Variants in AKAP13 observed in about 807,000 individuals in gnomAD.
The protein encoded by AKAP13 is A-kinase anchor protein 13.
A neutral mutation model predicts 264.5 loss-of-function variants in AKAP13; 80 were observed. That is an observed-to-expected ratio of 0.30 (90% CI 0.25 to 0.36). The LOEUF (loss-of-function observed/expected upper bound fraction) is 0.36, where lower values mean the gene tolerates loss of function less well. Ranked by LOEUF, AKAP13 falls within the 10% of genes least tolerant of loss-of-function variation. The pLI, the probability that AKAP13 is intolerant of heterozygous loss-of-function variation, is 1.00. For missense variants in AKAP13, 3,712 were observed against 3,435.2 expected, an observed-to-expected ratio of 1.08 and a Z score of -2.01; for synonymous variants, 1,380 against 1,250.2, an observed-to-expected ratio of 1.10 and a Z score of -2.19.
chr15:85,600,429 A>G (rs1463758447), intron 8 of AKAP13, among the ~76,000 whole-genome samples: 7 of 152,188 alleles, frequency 4.6e-5, no homozygotes, highest in Non-Finnish European at 1.0e-4. Flanking sequence ...AAATCTAAAT[A>G]AATTAAAAGT....
chr15:85,735,475 T>C, intron 31 of AKAP13, 85 bp from the exon 32 acceptor site: 1 of 1,396,680 alleles, frequency 7.2e-7, no homozygotes, highest in South Asian at 1.3e-5. Context: ...ACATACTACA[T>C]CCCCAAGATG....
At chr15:85,612,939 A>G (rs2080726091) in intron 8 of AKAP13, among the ~76,000 whole-genome samples, 1 of 152,222 alleles carries the variant, frequency 6.6e-6, no homozygotes, top group Non-Finnish European at 1.5e-5. Context: ...AAAAATTTGC[A>G]CTTACGGGCT....
At chr15:85,703,712 A>G (rs1355924463) in intron 17 of AKAP13, among the ~76,000 whole-genome samples, 1 of 152,038 alleles carries the variant, frequency 6.6e-6, no homozygotes, top group African/African-American at 2.4e-5. Context: ...GCGTAGTGGC[A>G]TGGACCGGTA....
Position 85,655,565 on chromosome 15 carries a change from T to G in AKAP13, c.4523T>G (p.Leu1508Arg). The change falls in exon 11 of 37, where the codon CTT (leucine) becomes CGT (arginine). Residue 1508 changes from leucine (L) to arginine (R), a missense_variant. Leu to Arg is a moderately radical substitution (Grantham distance 102). Transcript: ENST00000394518. ...AACAGGTCAAGAGATCGGCAAAGCC[T>G]TGATGGATTCTACAGCCATGGGATG... is the stretch of plus-strand genomic sequence containing the variant. ...KPNRSRDRQS[L>R]DGFYSHGMGA... 1.2e-6 allele frequency: 2 copies of G among 1,614,180 alleles called. No individual in the cohort carries two copies. The highest frequency in any genetic ancestry group is 1.7e-6 in the Non-Finnish European group (2 of 1,180,022).
chr15:85,643,082 A>G (rs911733759), intron 9 of AKAP13, among the ~76,000 whole-genome samples: 3 of 151,516 alleles, frequency 2.0e-5, no homozygotes, highest in Non-Finnish European at 4.4e-5. Context: ...GGCTGTTCCC[A>G]TTGAACTAAC....
intron 2 of AKAP13, among the ~76,000 whole-genome samples, chr15:85,515,870 GT>G (rs2076582156): frequency 2.1e-5 from 2 of 95,260 alleles, no homozygotes; most frequent in African/African-American, 1.0e-4. Flanking sequence ...TGATTCAGGT[GT>G]TATCTGCCAA....
chr15:85,658,759 A>G (rs756332500), intron 12 of AKAP13, among the ~76,000 whole-genome samples, 169 bp downstream of exon 12: 2 of 152,204 alleles, frequency 1.3e-5, no homozygotes, highest in African/African-American at 2.4e-5. Context: ...TCCATTTTAT[A>G]TGAAATGGTT....
At chr15:85,419,088 G>C (rs1250362409) in intron 1 of AKAP13, among the ~76,000 whole-genome samples, 1 of 152,174 alleles carries the variant, frequency 6.6e-6, no homozygotes, top group Non-Finnish European at 1.5e-5. Context: ...AGAAAAATTT[G>C]GTGGTGATGG....
intron 3 of AKAP13, among the ~76,000 whole-genome samples, chr15:85,527,699 T>C (rs1447279681): frequency 2.0e-5 from 3 of 152,230 alleles, no homozygotes; most frequent in African/African-American, 7.2e-5. Context: ...TTTACACATA[T>C]ACCAAATTTG....
At chr15:85,469,925 C>T (rs1300957947) in intron 1 of AKAP13, among the ~76,000 whole-genome samples, 1 of 152,160 alleles carries the variant, frequency 6.6e-6, no homozygotes, top group Non-Finnish European at 1.5e-5. Context: ...TTTTTCTCAA[C>T]CTCTCGCTAC....
Position 85,601,312 on chromosome 15 carries a change from T to C in AKAP13, c.4161+15489T>C, listed in dbSNP as rs189919823. On this transcript the variant is annotated intron_variant, in intron 8 of 36. Coordinates refer to ENST00000394518, the MANE Select transcript of AKAP13 (RefSeq NM_007200.5). ...ACATAGGTCATCAAAAGTCTTTTCC[T>C]AAATAATTTTATTTGCCCTTCAGAA... Among the ~76,000 whole-genome samples, 540 of 152,328 alleles carry C rather than the reference T, an allele frequency of 3.5e-3. 1 individual carries two copies. The highest frequency in any genetic ancestry group is 6.3e-3 in the Non-Finnish European group (427 of 68,030).
chr15:85,540,640 T>C (rs2077553343), intron 4 of AKAP13, among the ~76,000 whole-genome samples: 2 of 152,198 alleles, frequency 1.3e-5, no homozygotes. Context: ...AGCTCTGCAG[T>C]TTAAACACAA....
chr15:85,471,976 A>G (rs569958049), intron 1 of AKAP13, among the ~76,000 whole-genome samples: 4 of 152,238 alleles, frequency 2.6e-5, no homozygotes, highest in South Asian at 4.1e-4. Flanking sequence ...TATATTTACC[A>G]TGTATCTCTC....
At chr15:85,674,191 TG>T (rs767690539) in intron 14 of AKAP13, among the ~76,000 whole-genome samples, 1 of 152,218 alleles carries the variant, frequency 6.6e-6, no homozygotes, top group Non-Finnish European at 1.5e-5. Flanking sequence ...TCATTTTGCA[TG>T]GTTTGTTACA....
intron 8 of AKAP13, among the ~76,000 whole-genome samples, chr15:85,618,116 G>A (rs536661426): frequency 5.9e-5 from 9 of 152,290 alleles, no homozygotes; most frequent in African/African-American, 9.6e-5. Context: ...TCAGAATAAA[G>A]CCTGTATGTA....
At position 85,391,486 on chromosome 15, in the gene AKAP13, C is replaced by CT. The variant is rs759926035; in HGVS notation, c.-12+10704dup. On this transcript the variant is annotated intron_variant, in intron 1 of 36. Transcript: ENST00000394518. The stretch of plus-strand genomic sequence containing the variant: ...ATATTTGTCTTTATTCTTTTCTTTT[C>CT]TTTTTTTTTTTTTTTTAAGACAGGG... Among the ~76,000 whole-genome samples, 393 of 135,738 alleles carry CT rather than the reference C, an allele frequency of 2.9e-3. 2 individuals carry two copies. Among genetic ancestry groups the CT allele is most frequent in the East Asian group, 0.016 (77 of 4,702 alleles). 89.0% of individuals were successfully genotyped at this position (135,738 alleles called of 152,430 possible).
Position 85,745,352 on chromosome 15 carries a change from G to A in AKAP13, c.*675G>A, listed in dbSNP as rs2089338541. On this transcript the variant is annotated 3_prime_UTR_variant, in exon 37 of 37. Coordinates refer to ENST00000394518, the MANE Select transcript of AKAP13 (RefSeq NM_007200.5). ...AACATTTGTGAAACCAGTGAGAGAA[G>A]GCTTGATGTGTATAAAAGACGTGAT... 6.6e-6 allele frequency: 1 copy of A among 151,928 alleles called. No individual in the cohort carries two copies. Among genetic ancestry groups the A allele is most frequent in the Non-Finnish European group, 1.5e-5 (1 of 68,014 alleles). The allele number at this position is 151,928 out of a possible 1,614,324, so 9.4% of individuals were successfully genotyped here. A position where few individuals can be genotyped will look rare whatever the true frequency, so the allele number is the denominator to read the frequency against.
chr15:85,411,283 A>C (rs140143511), intron 1 of AKAP13, among the ~76,000 whole-genome samples: 1 of 152,224 alleles, frequency 6.6e-6, no homozygotes, highest in Non-Finnish European at 1.5e-5. Flanking sequence ...TCTGTGATGA[A>C]GTAGTGAACA....
At chr15:85,672,979 T>A (rs1039962438) in intron 14 of AKAP13, among the ~76,000 whole-genome samples, 1 of 152,234 alleles carries the variant, frequency 6.6e-6, no homozygotes, top group African/African-American at 2.4e-5. Context: ...GAATGTTTTC[T>A]AAACTCATCC....
Sources: gnomAD v4.1 joint callset for allele counts (sites outside exome capture counted in the v4.1 genomes callset) on GRCh38, gnomAD v4.1.1 for gene constraint, MANE v1.5 for transcripts, NCBI Gene and HGNC (gene_info 2026-07-23, HGNC 2026-07-21) for gene names.